SLC44A1: variants seen among roughly 807,000 people sequenced by gnomAD.
The protein encoded by SLC44A1 is solute carrier family 44 member 1.
Under a neutral mutation model 79.3 loss-of-function variants are expected in SLC44A1, and 26 were observed. The observed-to-expected ratio is 0.33, with a 90% CI of 0.24 to 0.46. The LOEUF is 0.46. SLC44A1 is among the 20% of genes least tolerant of loss of function. The pLI, the probability that SLC44A1 is intolerant of heterozygous loss-of-function variation, is 1.00. For synonymous variants in SLC44A1, 263 were observed against 286.2 expected (o/e 0.92, Z 0.82); for missense variants, 688 against 798.1 (o/e 0.86, Z 1.66).
At position 105,389,115 on chromosome 9, in the gene SLC44A1, A is replaced by G. The variant is rs1341703269; in HGVS notation, c.*59A>G. 1.2e-6 allele frequency: 2 copies of G among 1,602,430 alleles called. No individual in the cohort carries two copies. Among genetic ancestry groups the G allele is most frequent in the Non-Finnish European group, 1.7e-6 (2 of 1,171,004 alleles). On this transcript the variant is annotated 3_prime_UTR_variant, in exon 16 of 16. Coordinates refer to ENST00000374720, the MANE Select transcript of SLC44A1 (RefSeq NM_080546.5). Reference sequence around the variant, plus strand: ...TCCAAAACAATATATACACATAACTATGTATTTGTGTGTGTGGGTGTGTGT... The same window carrying G: ...TCCAAAACAATATATACACATAACTGTGTATTTGTGTGTGTGGGTGTGTGT...
chr9:105,311,450 T>C (rs991095694), intron 3 of SLC44A1, among the ~76,000 whole-genome samples: 8 of 152,178 alleles, frequency 5.3e-5, no homozygotes, highest in Non-Finnish European at 1.0e-4. Flanking sequence ...TTGCCATGAC[T>C]CCAAGCCTGT....
chr9:105,269,051 T>G (rs1830023558), intron 1 of SLC44A1, among the ~76,000 whole-genome samples: 1 of 152,242 alleles, frequency 6.6e-6, no homozygotes, highest in African/African-American at 2.4e-5. Context: ...TGTTGATTTT[T>G]GCCCAGCTTT....
At chr9:105,405,882 A>G (rs1564054105) in intron 15 of SLC44A1, among the ~76,000 whole-genome samples, 1 of 152,212 alleles carries the variant, frequency 6.6e-6, no homozygotes, top group African/African-American at 2.4e-5. Flanking sequence ...AAGAGGCTAG[A>G]AAAGGACATA....
chr9:105,385,815 A>T (rs1757730210), intron 15 of SLC44A1: 1 of 985,216 alleles, frequency 1.0e-6, no homozygotes, highest in South Asian at 4.7e-5. Context: ...TTTAACTGTC[A>T]GTGTTTGGCT....
chr9:105,375,721 A>G (rs1189039200), intron 13 of SLC44A1, among the ~76,000 whole-genome samples: 1 of 152,230 alleles, frequency 6.6e-6, no homozygotes, highest in Non-Finnish European at 1.5e-5. Context: ...AGTGTCGAAC[A>G]AGAGGCATTT....
chr9:105,276,837 C>T (rs928245788), intron 1 of SLC44A1, among the ~76,000 whole-genome samples: 28 of 152,086 alleles, frequency 1.8e-4, no homozygotes, highest in Non-Finnish European at 1.3e-4. Context: ...TGTGCCCAAG[C>T]ATCTAGGGTG....
At chr9:105,334,999 C>T (rs765706628) in intron 3 of SLC44A1, among the ~76,000 whole-genome samples, 1 of 152,224 alleles carries the variant, frequency 6.6e-6, no homozygotes, top group African/African-American at 2.4e-5. Context: ...TAACACCCAG[C>T]GATGACTGTA....
At chr9:105,284,693 C>A (rs72744229) in intron 1 of SLC44A1, among the ~76,000 whole-genome samples, 1 of 152,084 alleles carries the variant, frequency 6.6e-6, no homozygotes, top group Non-Finnish European at 1.5e-5. Context: ...GAAAAGTGTT[C>A]ATATGGAGTC....
Position 105,391,237 on chromosome 9 carries a change from C to T in SLC44A1, c.*2181C>T. On this transcript the variant is annotated 3_prime_UTR_variant, in exon 16 of 16. Coordinates refer to ENST00000374720, the MANE Select transcript of SLC44A1 (RefSeq NM_080546.5). ...CATGGACTGTTGCTGCTCCCTGTTCCATATGCTCGCAATCTCAGCTATTTG... is the reference window on the plus strand; with the variant it reads ...CATGGACTGTTGCTGCTCCCTGTTCTATATGCTCGCAATCTCAGCTATTTG... 1 of 985,808 alleles carries T rather than the reference C, an allele frequency of 1.0e-6. No homozygotes were observed. Among genetic ancestry groups the T allele is most frequent in the Non-Finnish European group, 1.2e-6 (1 of 829,916 alleles). The allele number at this position is 985,808 out of a possible 1,614,324, so 61.1% of individuals were successfully genotyped here. A position where few individuals can be genotyped will look rare whatever the true frequency, so the allele number is the denominator to read the frequency against.
At chr9:105,261,992 TC>T (rs1408746726) in intron 1 of SLC44A1, among the ~76,000 whole-genome samples, 2 of 151,924 alleles carry the variant, frequency 1.3e-5, no homozygotes, top group Non-Finnish European at 2.9e-5. Flanking sequence ...ACCATGTTGA[TC>T]GGGTGGTCTC....
At chr9:105,435,427 G>A (rs1014218000) in intron 15 of SLC44A1, among the ~76,000 whole-genome samples, 2 of 152,122 alleles carry the variant, frequency 1.3e-5, no homozygotes, top group African/African-American at 4.8e-5. Flanking sequence ...GGTAGGTAAT[G>A]GAAAGTTACA....
At chr9:105,420,953 A>T (rs1253655259) in intron 15 of SLC44A1, among the ~76,000 whole-genome samples, 1 of 151,782 alleles carries the variant, frequency 6.6e-6, no homozygotes, top group Non-Finnish European at 1.5e-5. Flanking sequence ...GCACTGCAAG[A>T]GTCCATTCAG....
At position 105,391,558 on chromosome 9, in the gene SLC44A1, A is replaced by G. The variant is rs1828762721; in HGVS notation, c.*2502A>G. 1 of 985,286 alleles carries G rather than the reference A, an allele frequency of 1.0e-6. No individual in the cohort carries two copies. Among genetic ancestry groups the G allele is most frequent in the South Asian group, 4.7e-5 (1 of 21,290 alleles). The allele number at this position is 985,286 out of a possible 1,614,324, so 61.0% of individuals were successfully genotyped here. ...CAGAGAGATATTTAATATGTGGAAT[A>G]TCACTCTTTCATGAGCTTTATTCCT... On this transcript the variant is annotated 3_prime_UTR_variant, in exon 16 of 16. Transcript: ENST00000374720.
At chr9:105,274,814 A>G (rs777338610) in intron 1 of SLC44A1, among the ~76,000 whole-genome samples, 4 of 152,212 alleles carry the variant, frequency 2.6e-5, no homozygotes, top group Non-Finnish European at 5.9e-5. Flanking sequence ...TAAGGCACAC[A>G]TAGATAGGGT....
intron 1 of SLC44A1, among the ~76,000 whole-genome samples, chr9:105,261,307 C>T (rs1307620113): frequency 6.6e-6 from 1 of 152,142 alleles, no homozygotes; most frequent in Admixed American, 6.5e-5. Flanking sequence ...CCTTCTTTCC[C>T]TTCTGCCACA....
intron 3 of SLC44A1, among the ~76,000 whole-genome samples, chr9:105,318,702 C>T (rs953446663): frequency 9.3e-5 from 14 of 150,502 alleles, no homozygotes; most frequent in African/African-American, 1.3e-4. Flanking sequence ...GAAAATACTG[C>T]GAGCAATTTG....
intron 1 of SLC44A1, among the ~76,000 whole-genome samples, chr9:105,287,420 G>C (rs887691380): frequency 6.6e-6 from 1 of 152,214 alleles, no homozygotes; most frequent in South Asian, 2.1e-4. Flanking sequence ...GCTTCTGGTT[G>C]TATTTCCCTT....
chr9:105,333,980 A>G (rs906400454), intron 3 of SLC44A1, among the ~76,000 whole-genome samples: 1 of 152,170 alleles, frequency 6.6e-6, no homozygotes, highest in African/African-American at 2.4e-5. Context: ...GCAATTCATT[A>G]TACAGGGTCA....
At chr9:105,291,779 G>A (rs327983) in intron 1 of SLC44A1, among the ~76,000 whole-genome samples, 26,794 of 152,078 alleles carry the variant, frequency 0.18, 3,675 homozygotes, top group African/African-American at 0.38. Context: ...TGCTTGTCAT[G>A]AGGTATAGGC....
Sources: gnomAD v4.1 joint callset for allele counts (sites outside exome capture counted in the v4.1 genomes callset) on GRCh38, gnomAD v4.1.1 for gene constraint, MANE v1.5 for transcripts, NCBI Gene and HGNC (gene_info 2026-07-23, HGNC 2026-07-21) for gene names.